Variants in CIAO1 observed in about 807,000 individuals in gnomAD.
CIAO1 encodes cytosolic iron-sulfur assembly component 1, also known as probable cytosolic iron-sulfur protein assembly protein CIAO1.
A neutral mutation model predicts 43.1 loss-of-function variants in CIAO1; 32 were observed. That is an observed-to-expected ratio of 0.74 (90% CI 0.56 to 1.00). The LOEUF (loss-of-function observed/expected upper bound fraction) is 1.00, where lower values mean the gene tolerates loss of function less well. CIAO1 is among the 50% of genes least tolerant of loss of function. The pLI is 0.00. For missense variants in CIAO1, 415 were observed against 437.4 expected (o/e 0.95, Z 0.46); for synonymous variants, 183 against 171.4 (o/e 1.07, Z -0.53).
chr2:96,267,963 G>C (rs1374818098), intron 4 of CIAO1, 39 bp downstream of exon 4: 1 of 1,527,482 alleles, frequency 6.5e-7, no homozygotes, highest in Non-Finnish European at 9.1e-7. Context: ...AAGGGCTCTG[G>C]TGTGCAGGCT....
chr2:96,266,441 C>G lies in CIAO1; in HGVS notation c.91C>G (p.Leu31Val). 6.4e-7 allele frequency: 1 copy of G among 1,560,888 alleles called. No individual in the cohort carries two copies. Among genetic ancestry groups the G allele is most frequent in the East Asian group, 2.4e-5 (1 of 40,906 alleles). ...GGCCTGGAACCCCGCGGGGACCCTG[C>G]TGGCCTCGTGCGGCGGCGACCGGAG... is the stretch of plus-strand genomic sequence containing the variant. The part of the protein sequence containing the change: ...FLAWNPAGTL[L>V]ASCGGDRRIR... The change falls in exon 1 of 7, where the codon CTG (leucine) becomes GTG (valine). Residue 31 changes from leucine (L) to valine (V), a missense_variant. Coordinates refer to ENST00000488633, the MANE Select transcript of CIAO1 (RefSeq NM_004804.3).
rs965291189 is a variant in CIAO1, at chr2:96,267,367, C to T, written c.186C>T (p.Arg62=). ...CKSVLSEGHQ[R]TVRKVAWSPC... ...CTGTCCTTTCTGAAGGCCACCAGCG[C>T]ACCGTGCGGAAGGTAGCCTGGTCCC... The change falls in exon 2 of 7, where the codon CGC becomes CGT. Residue 62 remains arginine (R), a synonymous_variant. Coordinates refer to ENST00000488633, the MANE Select transcript of CIAO1 (RefSeq NM_004804.3). The T allele has an allele frequency of 6.2e-7, 1 of 1,614,162 alleles. No individual in the cohort carries two copies. Among genetic ancestry groups the T allele is most frequent in the South Asian group, 1.1e-5 (1 of 91,086 alleles).
rs890112199 is a variant in CIAO1, at chr2:96,266,225, GGCGGAAGCGGGAGCCTCTGTCGGCC to G, written c.-117_-93del. ...GTTTCCGGGGCGACCCAGGTCCTCC[GGCGGAAGCGGGAGCCTCTGTCGGCC>G]GCGGAAGCCTGGAGTGGGCGGTACG... On this transcript the variant is annotated 5_prime_UTR_variant, in exon 1 of 7. Transcript: ENST00000488633. The G allele has an allele frequency of 7.1e-6, 8 of 1,134,064 alleles. No individual in the cohort carries two copies. The highest frequency in any genetic ancestry group is 3.2e-5 in the African/African-American group (2 of 62,012). The allele number at this position is 1,134,064 out of a possible 1,614,324, so 70.3% of individuals were successfully genotyped here.
At position 96,273,402 on chromosome 2, in the gene CIAO1, G is replaced by C. The variant is rs1198420666; in HGVS notation, c.*2051G>C. On this transcript the variant is annotated 3_prime_UTR_variant, in exon 7 of 7. Coordinates refer to ENST00000488633, the MANE Select transcript of CIAO1 (RefSeq NM_004804.3). ...TAGTAAGCCGGGCGCGGTGGCTCAC[G>C]CCTGTAATCCCAACACTTTGGGAGG... 6.6e-6 allele frequency: 1 copy of C among 152,026 alleles called. No homozygotes were observed. Among genetic ancestry groups the C allele is most frequent in the Non-Finnish European group, 1.5e-5 (1 of 68,018 alleles). The allele number at this position is 152,026 out of a possible 1,614,324, so 9.4% of individuals were successfully genotyped here.
intron 6 of CIAO1, among the ~76,000 whole-genome samples, chr2:96,269,589 C>T (rs1684506192): frequency 6.6e-6 from 1 of 152,180 alleles, no homozygotes; most frequent in Non-Finnish European, 1.5e-5. Context: ...TAGAGGTTCG[C>T]ACAGCTCGTG....
At position 96,273,064 on chromosome 2, in the gene CIAO1, A is replaced by G. The variant is rs1684583896; in HGVS notation, c.*1713A>G. On this transcript the variant is annotated 3_prime_UTR_variant, in exon 7 of 7. Transcript: ENST00000488633. ...TTAATGGAATGAGCCTCTCACCTCA[A>G]GGGAAACAACTGATAGTGTTGCCAG... The G allele has an allele frequency of 6.6e-6, 1 of 152,236 alleles. No individual in the cohort carries two copies. Among genetic ancestry groups the G allele is most frequent in the South Asian group, 2.1e-4 (1 of 4,836 alleles). The allele number at this position is 152,236 out of a possible 1,614,324, so 9.4% of individuals were successfully genotyped here. A position where few individuals can be genotyped will look rare whatever the true frequency, so the allele number is the denominator to read the frequency against.
rs951759616 is a variant in CIAO1, at chr2:96,272,671, A to C, written c.*1320A>C. On this transcript the variant is annotated 3_prime_UTR_variant, in exon 7 of 7. Coordinates refer to ENST00000488633, the MANE Select transcript of CIAO1 (RefSeq NM_004804.3). Reference sequence around the variant, plus strand: ...TCTAAAAATACAAAATTAGCTGGGCATGGTGGTGCATGCCTGTAATTCCAG... The same window carrying C: ...TCTAAAAATACAAAATTAGCTGGGCCTGGTGGTGCATGCCTGTAATTCCAG... 1 of 152,108 alleles carries C rather than the reference A, an allele frequency of 6.6e-6. No individual in the cohort carries two copies. The highest frequency in any genetic ancestry group is 2.4e-5 in the African/African-American group (1 of 41,410). 9.4% of individuals were successfully genotyped at this position (152,108 alleles called of 1,614,324 possible). A position where few individuals can be genotyped will look rare whatever the true frequency, so the allele number is the denominator to read the frequency against.
intron 6 of CIAO1, among the ~76,000 whole-genome samples, chr2:96,270,428 G>A (rs1684526131): frequency 6.6e-6 from 1 of 152,112 alleles, no homozygotes. Flanking sequence ...CTTGAACCCG[G>A]GAGGCGGAGG....
At position 96,269,262 on chromosome 2, in the gene CIAO1, T is replaced by C; in HGVS notation, c.692-6T>C. 6.2e-7 allele frequency: 1 copy of C among 1,614,076 alleles called. No individual in the cohort carries two copies. Among genetic ancestry groups the C allele is most frequent in the Middle Eastern group, 1.6e-4 (1 of 6,062 alleles). On this transcript the variant is annotated splice_polypyrimidine_tract_variant and splice_region_variant and intron_variant, in intron 5 of 6. Transcript: ENST00000488633. ...CGTTTAAGGGCAAGAGAAGTCTGTC[T>C]TGCAGGGGTGGCATGCAGCGGCTCT...
In CIAO1 at chr2:96,266,307, C is replaced by T. The variant is rs1196016897; in HGVS notation, c.-44C>T. The T allele has an allele frequency of 7.4e-7, 1 of 1,358,182 alleles. No individual in the cohort carries two copies. 84.1% of individuals were successfully genotyped at this position (1,358,182 alleles called of 1,614,324 possible). A position where few individuals can be genotyped will look rare whatever the true frequency, so the allele number is the denominator to read the frequency against. ...CGCGCGGTGAGACCCGCTGTCTGCT[C>T]AGCGGACTCTGCCCGCCCCCACCTC... On this transcript the variant is annotated 5_prime_UTR_variant, in exon 1 of 7. Coordinates refer to ENST00000488633, the MANE Select transcript of CIAO1 (RefSeq NM_004804.3).
In CIAO1 at chr2:96,269,287, T is replaced by C; in HGVS notation, c.711T>C (p.Ser237=). The stretch of plus-strand genomic sequence containing the variant: ...TTGCAGGGGTGGCATGCAGCGGCTC[T>C]GACCCCAGTTGGAAATGTATCTGTA... ...GNEQGVACSG[S]DPSWKCICTL... is the part of the protein sequence containing the mutation. The change falls in exon 6 of 7, where the codon TCT becomes TCC. Residue 237 remains serine (S), a synonymous_variant. Coordinates refer to ENST00000488633, the MANE Select transcript of CIAO1 (RefSeq NM_004804.3). 1.2e-6 allele frequency: 2 copies of C among 1,614,224 alleles called. No individual in the cohort carries two copies. Among genetic ancestry groups the C allele is most frequent in the Non-Finnish European group, 1.7e-6 (2 of 1,180,036 alleles).
Position 96,268,579 on chromosome 2 carries a change from G to T in CIAO1, c.612G>T (p.Pro204=). 6.2e-7 allele frequency: 1 copy of T among 1,614,200 alleles called. No homozygotes were observed. The change falls in exon 5 of 7, where the codon CCG becomes CCT. Residue 204 remains proline (P), a synonymous_variant. Transcript: ENST00000488633. ...ESTVWSLAFD[P]SGQRLASCSD... ...CTGTGTGGAGCTTGGCCTTTGACCC[G>T]AGTGGCCAGCGCCTGGCGTCTTGTA...
chr2:96,269,086 T>C (rs1314147831), intron 5 of CIAO1, 182 bp from the exon 6 acceptor site: 1 of 627,080 alleles, frequency 1.6e-6, no homozygotes, highest in Non-Finnish European at 2.9e-6. Flanking sequence ...TTCCTCGGAA[T>C]TCTGCTTGAG....
chr2:96,266,440 G>A lies in CIAO1; in HGVS notation c.90G>A (p.Leu30=). Residue 30 remains leucine (L), a synonymous_variant, in exon 1 of 7, where the codon CTG becomes CTA. Coordinates refer to ENST00000488633, the MANE Select transcript of CIAO1 (RefSeq NM_004804.3). The part of the protein sequence containing the change: ...WFLAWNPAGT[L]LASCGGDRRI... ...TGGCCTGGAACCCCGCGGGGACCCT[G>A]CTGGCCTCGTGCGGCGGCGACCGGA... The A allele has an allele frequency of 6.4e-7, 1 of 1,561,046 alleles. No individual in the cohort carries two copies. Among genetic ancestry groups the A allele is most frequent in the Non-Finnish European group, 8.7e-7 (1 of 1,149,322 alleles).
In CIAO1 at chr2:96,266,265, T is replaced by C. The variant is rs890846936; in HGVS notation, c.-86T>C. 9.5e-6 allele frequency: 12 copies of C among 1,262,246 alleles called. No homozygotes were observed. Among genetic ancestry groups the C allele is most frequent in the Non-Finnish European group, 1.2e-5 (12 of 995,342 alleles). The allele number at this position is 1,262,246 out of a possible 1,614,324, so 78.2% of individuals were successfully genotyped here. A position where few individuals can be genotyped will look rare whatever the true frequency, so the allele number is the denominator to read the frequency against. The stretch of plus-strand genomic sequence containing the variant: ...CTCTGTCGGCCGCGGAAGCCTGGAG[T>C]GGGCGGTACGCAGACGCGCGCGGTG... On this transcript the variant is annotated 5_prime_UTR_variant, in exon 1 of 7. Transcript: ENST00000488633.
chr2:96,271,066 G>A (rs1192844996), intron 6 of CIAO1, 45 bp from the exon 7 acceptor site: 1 of 1,610,888 alleles, frequency 6.2e-7, no homozygotes, highest in Non-Finnish European at 8.5e-7. Context: ...AGGTCTCTCT[G>A]GCCTAATTAG....
Position 96,266,500 on chromosome 2 carries a change from G to C in CIAO1, c.139+11G>C, listed in dbSNP as rs1206385700. ...TCTGGGGCACGGAGGGTAAGGCCCA[G>C]CCTGGTTGCGCGGCCCTCAGCGCTG... On this transcript the variant is annotated intron_variant, in intron 1 of 6. Transcript: ENST00000488633. The C allele has an allele frequency of 6.7e-7, 1 of 1,489,828 alleles. No homozygotes were observed. Among genetic ancestry groups the C allele is most frequent in the Admixed American group, 2.0e-5 (1 of 49,106 alleles). 92.3% of individuals were successfully genotyped at this position (1,489,828 alleles called of 1,614,324 possible). A position where few individuals can be genotyped will look rare whatever the true frequency, so the allele number is the denominator to read the frequency against.
In CIAO1 at chr2:96,268,457, C is replaced by G; in HGVS notation, c.490C>G (p.Leu164Val). 6.2e-7 allele frequency: 1 copy of G among 1,614,072 alleles called. No individual in the cohort carries two copies. The highest frequency in any genetic ancestry group is 8.5e-7 in the Non-Finnish European group (1 of 1,179,910). Residue 164 changes from leucine (L) to valine (V), a missense_variant and splice_region_variant, in exon 5 of 7, where the codon CTC (leucine) becomes GTC (valine). Leu to Val is a conservative substitution (Grantham distance 32). Transcript: ENST00000488633. ...GGGTTTCCTTTCACTCTTCCCCCAG[C>G]TCTTAGCTTCTGCCAGCTATGATGA... ...KHVVWHPSQE[L>V]LASASYDDTV...
At position 96,271,490 on chromosome 2, in the gene CIAO1, C is replaced by G. The variant is rs1052985501; in HGVS notation, c.*139C>G. On this transcript the variant is annotated 3_prime_UTR_variant, in exon 7 of 7. Transcript: ENST00000488633. The stretch of plus-strand genomic sequence containing the variant: ...TTCTCTTCAGACTTGGGTAGAAGTG[C>G]AGAGCCACAGAATTGCTTTCCTTCC... 9.8e-6 allele frequency: 10 copies of G among 1,018,912 alleles called. No homozygotes were observed. The highest frequency in any genetic ancestry group is 1.4e-5 in the Non-Finnish European group (10 of 714,278). The allele number at this position is 1,018,912 out of a possible 1,614,324, so 63.1% of individuals were successfully genotyped here. A position where few individuals can be genotyped will look rare whatever the true frequency, so the allele number is the denominator to read the frequency against.
Sources: allele counts gnomAD v4.1 joint callset (sites outside exome capture counted in the v4.1 genomes callset), GRCh38; gene constraint gnomAD v4.1.1; transcripts MANE v1.5; gene names NCBI Gene and HGNC (gene_info 2026-07-23, HGNC 2026-07-21).